Variants in CDK5RAP2 observed in about 807,000 individuals in gnomAD.
CDK5RAP2 encodes CDK5 regulatory subunit-associated protein 2.
A neutral mutation model predicts 232.9 loss-of-function variants in CDK5RAP2; 147 were observed. The observed-to-expected ratio is 0.63, with a 90% CI of 0.55 to 0.72. The LOEUF (loss-of-function observed/expected upper bound fraction) is 0.72. Ranked by LOEUF, CDK5RAP2 falls within the 30% of genes least tolerant of loss-of-function variation. The pLI is 0.00. For synonymous variants in CDK5RAP2, 833 were observed against 833.7 expected (o/e 1.00, Z 0.01); for missense variants, 2,195 against 2,231.5 (o/e 0.98, Z 0.33).
At chr9:120,392,912 T>C (rs541791417) in intron 36 of CDK5RAP2, among the ~76,000 whole-genome samples, 1 of 152,338 alleles carries the variant, frequency 6.6e-6, no homozygotes, top group Admixed American at 6.5e-5. Context: ...CCATGGGATC[T>C]TGTAATACAC....
In CDK5RAP2 at chr9:120,461,466, T is replaced by C. The variant is rs573959093; in HGVS notation, c.2107-799A>G. On this transcript the variant is annotated intron_variant, in intron 18 of 37. Coordinates refer to ENST00000349780, the MANE Select transcript of CDK5RAP2 (RefSeq NM_018249.6). Reference sequence around the variant, plus strand: ...GCACCTGAATTAACCAAATTAAAAATGAGAGAAAAGGTGGCCAGCCACTCC... The same window carrying C: ...GCACCTGAATTAACCAAATTAAAAACGAGAGAAAAGGTGGCCAGCCACTCC... Among the ~76,000 whole-genome samples the C allele has an allele frequency of 2.0e-5, 3 of 152,212 alleles. No homozygotes were observed. In the East Asian group the frequency reaches 5.8e-4, roughly 29 times the overall value.
chr9:120,431,761 C>G (rs994310719), intron 25 of CDK5RAP2, among the ~76,000 whole-genome samples: 1 of 152,194 alleles, frequency 6.6e-6, no homozygotes, highest in African/African-American at 2.4e-5. Flanking sequence ...TTGTACCTTT[C>G]CCAGTGTCAA....
intron 2 of CDK5RAP2, among the ~76,000 whole-genome samples, chr9:120,570,352 C>T (rs1025128955): frequency 6.6e-6 from 1 of 152,210 alleles, no homozygotes; most frequent in Non-Finnish European, 1.5e-5. Flanking sequence ...GCCTGACCCA[C>T]CTCCACACCA....
At position 120,439,565 on chromosome 9, in the gene CDK5RAP2, G is replaced by A. The variant is rs764549985; in HGVS notation, c.3556C>T (p.Leu1186Phe). 1.2e-6 allele frequency: 2 copies of A among 1,614,166 alleles called. No individual in the cohort carries two copies. The highest frequency in any genetic ancestry group is 2.2e-5 in the South Asian group (2 of 91,080). ...ATCATCTCTGGGGCCAGCGGACCGA[G>A]GATTTTCACGTGTTTCACGTATCGC... The part of the protein sequence containing the change: ...QVRYVKHVKI[L>F]GPLAPEMIDS... The change falls in exon 24 of 38, where the codon CTC (leucine) becomes TTC (phenylalanine). Residue 1186 changes from leucine to phenylalanine, a missense_variant. Transcript: ENST00000349780.
chr9:120,394,873 G>A (rs751227388), intron 35 of CDK5RAP2, among the ~76,000 whole-genome samples: 2 of 152,216 alleles, frequency 1.3e-5, no homozygotes, highest in African/African-American at 2.4e-5. Context: ...GCATGGCCCA[G>A]TGAGAACGCC....
At chr9:120,413,410 T>TA (rs1187378583) in intron 28 of CDK5RAP2, among the ~76,000 whole-genome samples, 1 of 152,200 alleles carries the variant, frequency 6.6e-6, no homozygotes, top group African/African-American at 2.4e-5. Context: ...CTCCCCAAGG[T>TA]AAACATTTCA....
chr9:120,466,903 C>G (rs1264841349), intron 18 of CDK5RAP2, among the ~76,000 whole-genome samples: 4 of 152,200 alleles, frequency 2.6e-5, no homozygotes, highest in African/African-American at 9.7e-5. Context: ...CAACCCCAAC[C>G]AGGAAGATTC....
chr9:120,578,825 C>T (rs77706055), intron 1 of CDK5RAP2, among the ~76,000 whole-genome samples: 4,272 of 152,190 alleles, frequency 0.028, 80 homozygotes, highest in Middle Eastern at 0.054. Context: ...CCTCGGCCTC[C>T]CCAAGGGCTA....
chr9:120,527,236 C>T (rs949112434), intron 10 of CDK5RAP2, among the ~76,000 whole-genome samples: 13 of 152,180 alleles, frequency 8.5e-5, no homozygotes, highest in Non-Finnish European at 1.3e-4. Flanking sequence ...GGATTACAAA[C>T]GCAACACTCA....
chr9:120,540,088 A>G (rs1451597148), intron 5 of CDK5RAP2, among the ~76,000 whole-genome samples: 2 of 152,246 alleles, frequency 1.3e-5, no homozygotes, highest in Admixed American at 6.5e-5. Context: ...AACACAGAGT[A>G]CACACTGCTA....
chr9:120,439,438 T>C lies in CDK5RAP2; in HGVS notation c.3683A>G (p.His1228Arg), dbSNP rs1218206980. ...ATCTCTGAACTTATTCTGCAGATTA[T>C]GGATCTCACTGAAAAGTTGCATGTT... ...NLNMQLFSEI[H>R]NLQNKFRDLS... Residue 1228 changes from histidine (H) to arginine (R), a missense_variant, in exon 24 of 38, where the codon CAT becomes CGT. Transcript: ENST00000349780. The C allele has an allele frequency of 6.2e-6, 10 of 1,614,196 alleles. No individual in the cohort carries two copies. The highest frequency in any genetic ancestry group is 1.7e-4 in the Middle Eastern group (1 of 6,060).
Position 120,403,943 on chromosome 9 carries a change from G to A in CDK5RAP2, c.5041+93C>T. 2.4e-6 allele frequency: 2 copies of A among 836,336 alleles called. No homozygotes were observed. The highest frequency in any genetic ancestry group is 4.2e-6 in the Non-Finnish European group (2 of 477,410). 51.8% of individuals were successfully genotyped at this position (836,336 alleles called of 1,614,324 possible). A position where few individuals can be genotyped will look rare whatever the true frequency, so the allele number is the denominator to read the frequency against. On this transcript the variant is annotated intron_variant, in intron 33 of 37. Coordinates refer to ENST00000349780, the MANE Select transcript of CDK5RAP2 (RefSeq NM_018249.6). This position sits in a 1 kb window ranked among gnomAD's most constrained non-coding sequence, Gnocchi z 4.2. ...CCAAATCCTTACCAAATACCCTCCT[G>A]AGTTGGGACCAGGGACCCCCCTTTT...
chr9:120,512,027 C>T (rs890735613), intron 12 of CDK5RAP2, among the ~76,000 whole-genome samples: 9 of 152,094 alleles, frequency 5.9e-5, no homozygotes, highest in Admixed American at 2.6e-4. Context: ...CGTGAGCCAC[C>T]GCGCCCGGCC....
chr9:120,531,699 C>G (rs1458207867), intron 7 of CDK5RAP2, among the ~76,000 whole-genome samples: 1 of 152,010 alleles, frequency 6.6e-6, no homozygotes, highest in Non-Finnish European at 1.5e-5. Flanking sequence ...AAGAAAGCAA[C>G]TTAGTTTGGG....
chr9:120,509,437 T>C (rs572767938), intron 12 of CDK5RAP2, among the ~76,000 whole-genome samples: 2 of 152,328 alleles, frequency 1.3e-5, no homozygotes, highest in African/African-American at 4.8e-5. Context: ...TCTCACACAT[T>C]ACATTTTACT....
intron 21 of CDK5RAP2, among the ~76,000 whole-genome samples, chr9:120,452,796 G>A (rs977836975): frequency 6.6e-6 from 1 of 152,004 alleles, no homozygotes; most frequent in Admixed American, 6.6e-5. Context: ...GGGTGTGGCT[G>A]TGCAGTCAGG....
chr9:120,541,589 T>C (rs1447255093), intron 5 of CDK5RAP2, among the ~76,000 whole-genome samples: 1 of 152,230 alleles, frequency 6.6e-6, no homozygotes, highest in African/African-American at 2.4e-5. Context: ...TATGTCCCCT[T>C]ATTGTAACTG....
rs1564213860 is a variant in CDK5RAP2 at position 120,437,417 on chromosome 9, A to C, written c.3833T>G (p.Ile1278Ser). The C allele has an allele frequency of 1.2e-6, 2 of 1,614,146 alleles. No homozygotes were observed. The highest frequency in any genetic ancestry group is 1.7e-6 in the Non-Finnish European group (2 of 1,179,990). The change falls in exon 25 of 38, where the codon ATT (isoleucine) becomes AGT (serine). Residue 1278 changes from isoleucine to serine, a missense_variant. Transcript: ENST00000349780. ...VISRQHMNTM[I>S]KAFEELLQAS... ...CTGCAGCAACTCCTCAAATGCCTTAATCATGGTGTTCATGTGTTGACGGGA... is the reference window on the plus strand; with the variant it reads ...CTGCAGCAACTCCTCAAATGCCTTACTCATGGTGTTCATGTGTTGACGGGA...
chr9:120,428,327 G>T (rs377744309), intron 25 of CDK5RAP2, among the ~76,000 whole-genome samples: 2 of 152,048 alleles, frequency 1.3e-5, no homozygotes, highest in African/African-American at 4.8e-5. Flanking sequence ...AGCTGGTTTT[G>T]TGAAAGGATC....
Sources: allele counts gnomAD v4.1 joint callset (sites outside exome capture counted in the v4.1 genomes callset), GRCh38; gene constraint gnomAD v4.1.1; non-coding constraint Gnocchi (gnomAD v3.1); transcripts MANE v1.5; gene names NCBI Gene and HGNC (gene_info 2026-07-23, HGNC 2026-07-21).